PHF12: variants seen among roughly 807,000 people sequenced by gnomAD.
The protein encoded by PHF12 is PHD factor 1.
PHF12 carries 6 observed loss-of-function variants against 99.8 expected under a neutral mutation model. The ratio of observed to expected loss-of-function variants is 0.06; its 90% CI spans 0.03 to 0.12. The LOEUF is 0.12. PHF12 is among the 10% of genes least tolerant of loss of function. PHF12 has a pLI of 1.00. For synonymous variants in PHF12, 480 were observed against 514.9 expected, an observed-to-expected ratio of 0.93 and a Z score of 0.92; for missense variants, 954 against 1,300.1, an observed-to-expected ratio of 0.73 and a Z score of 4.09.
At position 28,921,595 on chromosome 17, in the gene PHF12, A is replaced by G. The variant is rs531833898; in HGVS notation, c.836+93T>C. 8.1e-6 allele frequency: 12 copies of G among 1,473,788 alleles called. No individual in the cohort carries two copies. In the South Asian group the frequency reaches 1.2e-4, roughly 15 times the overall value. 91.3% of individuals were successfully genotyped at this position (1,473,788 alleles called of 1,614,324 possible). On this transcript the variant is annotated intron_variant, in intron 5 of 14. Coordinates refer to ENST00000332830, the MANE Select transcript of PHF12 (RefSeq NM_001033561.2). ...CATACTATCAGAATATGGGCTGTTC[A>G]CATTTAACATACATGGTCTGGAAGA...
chr17:28,946,829 T>A (rs1567973620), intron 2 of PHF12, among the ~76,000 whole-genome samples: 1 of 151,252 alleles, frequency 6.6e-6, no homozygotes, highest in Non-Finnish European at 1.5e-5. Context: ...TGAGCCACCA[T>A]ACTCGGCTTC....
intron 2 of PHF12, among the ~76,000 whole-genome samples, chr17:28,940,737 A>G (rs1302286181): frequency 1.3e-5 from 2 of 152,338 alleles, no homozygotes; most frequent in South Asian, 4.1e-4. Flanking sequence ...ACTGCTCTCA[A>G]GTCCTGGGAA....
intron 4 of PHF12, among the ~76,000 whole-genome samples, chr17:28,922,503 T>C (rs560057185): frequency 4.6e-5 from 7 of 152,018 alleles, no homozygotes; most frequent in African/African-American, 1.7e-4. Context: ...CTTTACAGTA[T>C]CAAGAAGCCA....
intron 4 of PHF12, 64 bp downstream of exon 4, chr17:28,923,845 G>A: frequency 6.6e-7 from 1 of 1,522,040 alleles, no homozygotes; most frequent in Non-Finnish European, 8.8e-7. Flanking sequence ...AGGCAGCACT[G>A]CTCTTGTGCT....
Position 28,950,317 on chromosome 17 carries a change from G to A in PHF12, c.67-71C>T, listed in dbSNP as rs968116774. The A allele has an allele frequency of 1.0e-5, 15 of 1,492,950 alleles. No homozygotes were observed. Among genetic ancestry groups the A allele is most frequent in the Admixed American group, 2.0e-5 (1 of 49,994 alleles). 92.5% of individuals were successfully genotyped at this position (1,492,950 alleles called of 1,614,324 possible). On this transcript the variant is annotated intron_variant, in intron 1 of 14. Coordinates refer to ENST00000332830, the MANE Select transcript of PHF12 (RefSeq NM_001033561.2). The surrounding 1 kb of genome is among the most constrained non-coding windows in gnomAD (Gnocchi z 5.7). Reference sequence around the variant, plus strand: ...GGCGGTCCGTCGCCCCCCCGGCGCGGTTTCTCCGTCACCCACCCCTCTCCC... The same window carrying A: ...GGCGGTCCGTCGCCCCCCCGGCGCGATTTCTCCGTCACCCACCCCTCTCCC...
intron 4 of PHF12, among the ~76,000 whole-genome samples, chr17:28,923,087 G>A (rs2152665990): frequency 6.6e-6 from 1 of 151,538 alleles, no homozygotes; most frequent in South Asian, 2.1e-4. Flanking sequence ...AAGACTTCTA[G>A]AACATATTTT....
Position 28,905,838 on chromosome 17 carries a change from G to A in PHF12, c.*345C>T. 4.6e-6 allele frequency: 1 copy of A among 219,636 alleles called. No individual in the cohort carries two copies. Among genetic ancestry groups the A allele is most frequent in the Non-Finnish European group, 8.9e-6 (1 of 112,880 alleles). 13.6% of individuals were successfully genotyped at this position (219,636 alleles called of 1,614,324 possible). ...AAGTTTCTGATTATTTTACAATGGTGGGCGAGGGGGAGGGAGCAGGAGGTG... is the reference window on the plus strand; with the variant it reads ...AAGTTTCTGATTATTTTACAATGGTAGGCGAGGGGGAGGGAGCAGGAGGTG... On this transcript the variant is annotated 3_prime_UTR_variant, in exon 15 of 15. Transcript: ENST00000332830.
intron 2 of PHF12, among the ~76,000 whole-genome samples, chr17:28,941,704 A>G (rs549225006): frequency 6.6e-6 from 1 of 152,162 alleles, no homozygotes; most frequent in South Asian, 2.1e-4. Flanking sequence ...CCCGGGTTCA[A>G]GCGATTCTCC....
At chr17:28,908,701 C>T in intron 12 of PHF12, 82 bp downstream of exon 12, 1 of 1,415,364 alleles carries the variant, frequency 7.1e-7, no homozygotes, top group Non-Finnish European at 9.9e-7. Context: ...TCCCTCACCC[C>T]TTTCTAACTT....
intron 6 of PHF12, among the ~76,000 whole-genome samples, chr17:28,918,438 T>A (rs2152662648): frequency 1.3e-5 from 2 of 152,370 alleles, no homozygotes; most frequent in South Asian, 4.1e-4. Context: ...TGTGTGCAAG[T>A]CTTTAACCGA....
chr17:28,951,111 C>T lies in PHF12; in HGVS notation c.-151G>A. ...CCTCGCCCTGGCTCCCCCCCACCCC[C>T]CGGCCCCCAGTCCCCGGGACGACAG... On this transcript the variant is annotated 5_prime_UTR_variant, in exon 1 of 15. Transcript: ENST00000332830. The T allele has an allele frequency of 3.4e-6, 5 of 1,456,750 alleles. No homozygotes were observed. The highest frequency in any genetic ancestry group is 4.5e-6 in the Non-Finnish European group (5 of 1,105,986). 90.2% of individuals were successfully genotyped at this position (1,456,750 alleles called of 1,614,324 possible).
At position 28,951,065 on chromosome 17, in the gene PHF12, T is replaced by TC. The variant is rs1255340296; in HGVS notation, c.-106dup. 1.3e-6 allele frequency: 2 copies of TC among 1,569,622 alleles called. No homozygotes were observed. Among genetic ancestry groups the TC allele is most frequent in the African/African-American group, 1.4e-5 (1 of 73,754 alleles). On this transcript the variant is annotated 5_prime_UTR_variant, in exon 1 of 15. Transcript: ENST00000332830. ...GCTCCTGACCCCGGCCCCGCTTTTT[T>TC]CCCAATACGGGTCCCGACTTCCTCG... is the stretch of plus-strand genomic sequence containing the variant.
chr17:28,909,209 C>T (rs370920526), intron 11 of PHF12: 39 of 268,978 alleles, frequency 1.4e-4, no homozygotes, highest in Admixed American at 7.5e-4. Context: ...GAAAAACAGA[C>T]GGCATGGACC....
In PHF12 at chr17:28,950,762, G is replaced by A. The variant is rs944305856; in HGVS notation, c.66+133C>T. 132 of 1,318,406 alleles carry A rather than the reference G, an allele frequency of 1.0e-4. No homozygotes were observed. The highest frequency in any genetic ancestry group is 2.0e-4 in the Middle Eastern group (1 of 4,898). 81.7% of individuals were successfully genotyped at this position (1,318,406 alleles called of 1,614,324 possible). On this transcript the variant is annotated intron_variant, in intron 1 of 14. Transcript: ENST00000332830. The surrounding 1 kb of genome is among the most constrained non-coding windows in gnomAD (Gnocchi z 5.7). ...CCCCCTAAATTGCAAAGAGGGGAGG[G>A]AGAGGCTAGGTGAGGAAGAATCCCC...
intron 2 of PHF12, among the ~76,000 whole-genome samples, chr17:28,946,394 T>C (rs2040723142): frequency 6.6e-6 from 1 of 152,202 alleles, no homozygotes; most frequent in Non-Finnish European, 1.5e-5. Context: ...TGGGAAGAGA[T>C]GACGTGCCTC....
chr17:28,951,263 ACTGGCGACAGCCGGTCCGGCCGGGAAGG>A lies in PHF12; in HGVS notation c.-331_-304del, dbSNP rs2040806996. On this transcript the variant is annotated 5_prime_UTR_variant, in exon 1 of 15. An upstream open reading frame in the 5' UTR gains an earlier in-frame stop. Coordinates refer to ENST00000332830, the MANE Select transcript of PHF12 (RefSeq NM_001033561.2). ...CCTAGTCCCACAGGCTAAAGCCGGC[ACTGGCGACAGCCGGTCCGGCCGGGAAGG>A]CTGGCGGGCGCTGCCATCCCGGGGC... 2.5e-6 allele frequency: 3 copies of A among 1,203,424 alleles called. No individual in the cohort carries two copies. The highest frequency in any genetic ancestry group is 3.1e-6 in the Non-Finnish European group (3 of 964,014). 74.5% of individuals were successfully genotyped at this position (1,203,424 alleles called of 1,614,324 possible).
At chr17:28,944,355 C>T (rs2040682462) in intron 2 of PHF12, 1 of 557,780 alleles carries the variant, frequency 1.8e-6, no homozygotes, top group Non-Finnish European at 2.3e-6. Context: ...ACTTGCCTTA[C>T]TTTACACAAA....
chr17:28,934,604 TTTTC>T (rs1392258760), intron 2 of PHF12, among the ~76,000 whole-genome samples: 1 of 149,484 alleles, frequency 6.7e-6, no homozygotes, highest in African/African-American at 2.5e-5. Context: ...TCTTTTTTTC[TTTTC>T]TATTTTTTTT....
intron 4 of PHF12, among the ~76,000 whole-genome samples, chr17:28,922,013 C>G (rs1023607486): frequency 9.2e-5 from 14 of 152,318 alleles, no homozygotes; most frequent in Admixed American, 9.2e-4. Flanking sequence ...ATACGTAAGT[C>G]AGAACCAGAA....
Sources: gnomAD v4.1 joint callset for allele counts (sites outside exome capture counted in the v4.1 genomes callset) on GRCh38, gnomAD v4.1.1 for gene constraint, Gnocchi (gnomAD v3.1) non-coding constraint, MANE v1.5 for transcripts, NCBI Gene and HGNC (gene_info 2026-07-23, HGNC 2026-07-21) for gene names.